Variants in RBFOX1 observed in about 807,000 individuals in gnomAD.
The protein encoded by RBFOX1 is RNA binding protein fox-1 homolog 1.
Under a neutral mutation model 57.7 loss-of-function variants are expected in RBFOX1, and 8 were observed. That is an observed-to-expected ratio of 0.14 (90% CI 0.08 to 0.25). The LOEUF (loss-of-function observed/expected upper bound fraction) is 0.25, where lower values mean the gene tolerates loss of function less well. RBFOX1 is among the 10% of genes least tolerant of loss of function. The probability of loss-of-function intolerance (pLI) is 1.00; values close to 1 mark genes in which losing one functional copy is unlikely to be tolerated. For synonymous variants in RBFOX1, 326 were observed against 222.4 expected, an observed-to-expected ratio of 1.47 and a Z score of -4.15; for missense variants, 611 against 548.5, an observed-to-expected ratio of 1.11 and a Z score of -1.14.
intron 2 of RBFOX1, among the ~76,000 whole-genome samples, chr16:6,549,440 G>T (rs1265394522): frequency 8.2e-5 from 6 of 73,044 alleles, no homozygotes; most frequent in Admixed American, 6.6e-4. Flanking sequence ...GAGGGAGGAG[G>T]AGGAGGGAGG....
At chr16:6,872,091 C>G (rs1015167707) in intron 3 of RBFOX1, among the ~76,000 whole-genome samples, 1 of 152,190 alleles carries the variant, frequency 6.6e-6, no homozygotes, top group Non-Finnish European at 1.5e-5. Context: ...CTTTTCACAG[C>G]ATAATTGTAA....
rs1200410481 is a variant in RBFOX1 at position 7,599,645 on chromosome 16, TTTTTTC to T, written c.622+2220_622+2225del. Among the ~76,000 whole-genome samples, 16 of 35,726 alleles carry T rather than the reference TTTTTTC, an allele frequency of 4.5e-4. 1 individual carries two copies. Among genetic ancestry groups the T allele is most frequent in the African/African-American group, 6.3e-4 (14 of 22,182 alleles). The allele number at this position is 35,726 out of a possible 152,430, so 23.4% of individuals were successfully genotyped here. A position where few individuals can be genotyped will look rare whatever the true frequency, so the allele number is the denominator to read the frequency against. On this transcript the variant is annotated intron_variant, in intron 9 of 15. Transcript: ENST00000550418. ...TGAAGAAATTAATAAAGACTTTTTT[TTTTTTC>T]TTTTTTTTTTTTGAGACAGGGTCTC...
intron 1 of RBFOX1, among the ~76,000 whole-genome samples, chr16:6,266,385 C>G (rs562644327): frequency 1.3e-5 from 2 of 152,256 alleles, no homozygotes; most frequent in Non-Finnish European, 2.9e-5. Flanking sequence ...TTCCAAGTCT[C>G]TAGCAGAATC....
chr16:6,816,266 A>G (rs1386044377), intron 3 of RBFOX1, among the ~76,000 whole-genome samples: 1 of 152,216 alleles, frequency 6.6e-6, no homozygotes, highest in African/African-American at 2.4e-5. Context: ...CTATGATCAC[A>G]CTATTGCACT....
chr16:7,188,458 T>G (rs1023487098), intron 4 of RBFOX1, among the ~76,000 whole-genome samples: 1 of 152,216 alleles, frequency 6.6e-6, no homozygotes, highest in African/African-American at 2.4e-5. Context: ...AGCTGCATGT[T>G]ACAGAGGTCT....
chr16:5,873,010 G>C (rs947352618), intron 4 of RBFOX1, among the ~76,000 whole-genome samples: 4 of 152,036 alleles, frequency 2.6e-5, no homozygotes, highest in Admixed American at 6.6e-5. Flanking sequence ...AATTAGCTGG[G>C]TGTGGTGGCA....
intron 3 of RBFOX1, chr16:6,704,578 T>C (rs1347258883): frequency 1.3e-5 from 2 of 152,308 alleles, no homozygotes; most frequent in Non-Finnish European, 2.9e-5. Flanking sequence ...GTTTATAATA[T>C]GGATGCTTTC....
At chr16:5,700,875 A>G (rs2051022509) in intron 3 of RBFOX1, among the ~76,000 whole-genome samples, 2 of 152,300 alleles carry the variant, frequency 1.3e-5, no homozygotes, top group African/African-American at 4.8e-5. Flanking sequence ...TGTAGGTCAC[A>G]TGTCCACTCC....
intron 1 of RBFOX1, among the ~76,000 whole-genome samples, chr16:5,309,156 A>T (rs892743287): frequency 2.0e-5 from 3 of 152,190 alleles, no homozygotes; most frequent in Non-Finnish European, 4.4e-5. Flanking sequence ...CTGACTTAAA[A>T]TTCCTTTACT....
At chr16:5,323,781 T>C (rs1176226678) in intron 1 of RBFOX1, among the ~76,000 whole-genome samples, 1 of 152,216 alleles carries the variant, frequency 6.6e-6, no homozygotes, top group Admixed American at 6.5e-5. Context: ...GCCTTACTGA[T>C]AGTTCTGTGA....
intron 13 of RBFOX1, among the ~76,000 whole-genome samples, chr16:7,673,197 C>T (rs919155136): frequency 1.3e-5 from 2 of 152,102 alleles, no homozygotes; most frequent in Non-Finnish European, 2.9e-5. Context: ...GCCGGTAGAA[C>T]ATTTATTTTC....
intron 3 of RBFOX1, among the ~76,000 whole-genome samples, chr16:5,808,188 G>T (rs145665008): frequency 6.6e-6 from 1 of 152,270 alleles, no homozygotes; most frequent in East Asian, 1.9e-4. Context: ...GGCCTTAATG[G>T]CCTCATTAGG....
chr16:6,616,225 A>G (rs1252664998), intron 2 of RBFOX1, among the ~76,000 whole-genome samples: 3 of 152,202 alleles, frequency 2.0e-5, no homozygotes, highest in Non-Finnish European at 4.4e-5. Context: ...TAATAAATGA[A>G]TGTCTGTGCT....
chr16:5,497,582 G>C (rs1285244780), intron 2 of RBFOX1, among the ~76,000 whole-genome samples: 2 of 144,954 alleles, frequency 1.4e-5, no homozygotes, highest in African/African-American at 5.4e-5. Flanking sequence ...TTCAAGACCA[G>C]CTTGGCCAAC....
At chr16:6,441,807 A>G (rs957935699) in intron 2 of RBFOX1, among the ~76,000 whole-genome samples, 19 of 152,276 alleles carry the variant, frequency 1.2e-4, no homozygotes, top group African/African-American at 4.6e-4. Context: ...GCCCTTGAAG[A>G]GAGATGGACT....
chr16:7,193,955 T>G (rs1326780420), intron 4 of RBFOX1, among the ~76,000 whole-genome samples: 1 of 111,490 alleles, frequency 9.0e-6, no homozygotes, highest in African/African-American at 3.9e-5. Flanking sequence ...TCTAGCTATC[T>G]TTTTTTTTTT....
At chr16:5,871,878 A>G (rs1186650048) in intron 4 of RBFOX1, among the ~76,000 whole-genome samples, 1 of 152,210 alleles carries the variant, frequency 6.6e-6, no homozygotes, top group Non-Finnish European at 1.5e-5. Context: ...AAAGCAATCG[A>G]ACTGAGATTG....
rs565000548 is a variant in RBFOX1, at chr16:7,711,539, A to G, written c.*794A>G. On this transcript the variant is annotated 3_prime_UTR_variant, in exon 16 of 16. Coordinates refer to ENST00000550418, the MANE Select transcript of RBFOX1 (RefSeq NM_018723.4). Reference sequence around the variant, plus strand: ...ATTATTGATATCACTGCTGACTTTTATATTATGGGAGGGAAAAAATAACAT... The same window carrying G: ...ATTATTGATATCACTGCTGACTTTTGTATTATGGGAGGGAAAAAATAACAT... 3.9e-5 allele frequency: 6 copies of G among 152,642 alleles called. 1 individual carries two copies. The South Asian group carries it at 8.3e-4, about 21-fold the overall frequency. 9.5% of individuals were successfully genotyped at this position (152,642 alleles called of 1,614,324 possible).
At chr16:5,400,365 T>C (rs2066680834) in intron 1 of RBFOX1, among the ~76,000 whole-genome samples, 1 of 152,154 alleles carries the variant, frequency 6.6e-6, no homozygotes, top group Non-Finnish European at 1.5e-5. Context: ...AGTGCTGGGG[T>C]TACAGGCGTG....
Sources: gnomAD v4.1 joint callset for allele counts (sites outside exome capture counted in the v4.1 genomes callset) on GRCh38, gnomAD v4.1.1 for gene constraint, MANE v1.5 for transcripts, NCBI Gene and HGNC (gene_info 2026-07-23, HGNC 2026-07-21) for gene names.